Variants in SDK1 observed in about 807,000 individuals in gnomAD.
The protein encoded by SDK1 is sidekick cell adhesion molecule 1.
SDK1 carries 157 observed loss-of-function variants against 245.5 expected under a neutral mutation model. The observed-to-expected ratio is 0.64, with a 90% CI of 0.56 to 0.73. The LOEUF (loss-of-function observed/expected upper bound fraction) is 0.73, where lower values mean the gene tolerates loss of function less well. Among genes scored for constraint, SDK1 ranks in the 30% least tolerant of loss-of-function variants. The pLI is 0.00. For missense variants in SDK1, 3,583 were observed against 3,002.3 expected (o/e 1.19, Z -4.52); for synonymous variants, 1,647 against 1,278.5 (o/e 1.29, Z -6.15).
chr7:3,332,838 C>T (rs1359546208), intron 1 of SDK1, among the ~76,000 whole-genome samples: 1 of 152,062 alleles, frequency 6.6e-6, no homozygotes, highest in African/African-American at 2.4e-5. Flanking sequence ...TTATGTGATT[C>T]TCATTATGTT....
intron 17 of SDK1, among the ~76,000 whole-genome samples, chr7:4,036,985 G>C (rs2128160621): frequency 6.6e-6 from 1 of 152,274 alleles, no homozygotes; most frequent in South Asian, 2.1e-4. Context: ...CGTCATTTAA[G>C]AGGCCGTTTT....
At chr7:3,429,422 T>G (rs1779767836) in intron 1 of SDK1, among the ~76,000 whole-genome samples, 1 of 152,158 alleles carries the variant, frequency 6.6e-6, no homozygotes, top group Non-Finnish European at 1.5e-5. Context: ...CAGGCCCTTT[T>G]AAATATATAA....
intron 5 of SDK1, among the ~76,000 whole-genome samples, chr7:3,840,566 A>G (rs1381126265): frequency 6.6e-6 from 1 of 152,164 alleles, no homozygotes; most frequent in African/African-American, 2.4e-5. Context: ...GCCCTCCTGA[A>G]TCAAATCCTG....
At chr7:3,398,117 T>C (rs933945595) in intron 1 of SDK1, among the ~76,000 whole-genome samples, 6 of 152,114 alleles carry the variant, frequency 3.9e-5, no homozygotes, top group African/African-American at 1.4e-4. Flanking sequence ...TTTCTGTAAC[T>C]GTAGGTTTTC....
At chr7:3,532,520 C>G (rs373697633) in intron 1 of SDK1, among the ~76,000 whole-genome samples, 15 of 152,288 alleles carry the variant, frequency 9.8e-5, no homozygotes, top group South Asian at 6.2e-4. Flanking sequence ...ATGGGAATCA[C>G]TCAAGCTCAC....
At chr7:3,391,306 C>G (rs1224359528) in intron 1 of SDK1, among the ~76,000 whole-genome samples, 4 of 152,160 alleles carry the variant, frequency 2.6e-5, no homozygotes, top group African/African-American at 9.7e-5. Flanking sequence ...TCTTTACCTC[C>G]ATCCTATCAA....
chr7:3,332,869 A>C (rs954695692), intron 1 of SDK1, among the ~76,000 whole-genome samples: 1 of 152,196 alleles, frequency 6.6e-6, no homozygotes, highest in African/African-American at 2.4e-5. Context: ...ATCAGTGCCT[A>C]AATAATGCTA....
At chr7:4,234,569 T>C (rs540793810) in intron 41 of SDK1, among the ~76,000 whole-genome samples, 355 of 151,972 alleles carry the variant, frequency 2.3e-3, no homozygotes, top group African/African-American at 8.1e-3. Flanking sequence ...GTGGGGGAGC[T>C]GGAGAGGGAG....
chr7:4,157,479 A>AAGGAAAGC (rs1554368292), intron 30 of SDK1, among the ~76,000 whole-genome samples: 2 of 102,474 alleles, frequency 2.0e-5, no homozygotes, highest in African/African-American at 8.0e-5. Context: ...GGAAGGAGGG[A>AAGGAAAGC]AGGAAGGGAG....
intron 4 of SDK1, among the ~76,000 whole-genome samples, chr7:3,788,853 T>G (rs1780992300): frequency 1.3e-5 from 2 of 152,182 alleles, no homozygotes; most frequent in South Asian, 4.1e-4. Flanking sequence ...GGAGACAGAA[T>G]TCAGGGCTGA....
intron 17 of SDK1, among the ~76,000 whole-genome samples, chr7:4,043,100 A>G (rs1218842327): frequency 1.1e-5 from 1 of 92,238 alleles, no homozygotes; most frequent in East Asian, 2.2e-4. Flanking sequence ...GCCCAGGTAG[A>G]GTGAGTGTCA....
At chr7:4,138,148 A>G (rs1379176967) in intron 28 of SDK1, among the ~76,000 whole-genome samples, 1 of 152,154 alleles carries the variant, frequency 6.6e-6, no homozygotes, top group Non-Finnish European at 1.5e-5. Context: ...GAGAAGAAGA[A>G]CCCAGATTTC....
intron 5 of SDK1, among the ~76,000 whole-genome samples, chr7:3,845,147 A>G (rs967384348): frequency 2.0e-5 from 3 of 152,146 alleles, no homozygotes; most frequent in African/African-American, 4.8e-5. Context: ...GGGCCACTTC[A>G]GCCTGGAGGG....
intron 1 of SDK1, among the ~76,000 whole-genome samples, chr7:3,611,782 C>G (rs182895034): frequency 6.6e-6 from 1 of 151,968 alleles, no homozygotes; most frequent in Non-Finnish European, 1.5e-5. Context: ...TGCTATGCCT[C>G]CTTACTCCGG....
chr7:4,063,777 A>G (rs1056345374), intron 19 of SDK1, among the ~76,000 whole-genome samples: 4 of 152,144 alleles, frequency 2.6e-5, no homozygotes, highest in Non-Finnish European at 4.4e-5. Context: ...CAACAGACAC[A>G]TAGACCAATG....
intron 1 of SDK1, among the ~76,000 whole-genome samples, chr7:3,484,338 C>T (rs1005712588): frequency 1.3e-5 from 2 of 152,042 alleles, no homozygotes; most frequent in Non-Finnish European, 2.9e-5. Context: ...TCACTGGATG[C>T]GAAACCTACA....
chr7:3,975,339 G>C lies in SDK1; in HGVS notation c.1994+794G>C, dbSNP rs562234956. On this transcript the variant is annotated intron_variant, in intron 13 of 44. Transcript: ENST00000404826. ...TCATCAAGGCAGTGGCCAGCTCCAG[G>C]GACACACCCAGCGCATCCGTCCCTG... is the stretch of plus-strand genomic sequence containing the variant. Among the ~76,000 whole-genome samples the C allele has an allele frequency of 8.5e-5, 13 of 152,238 alleles. No individual in the cohort carries two copies. In the South Asian group the frequency reaches 1.0e-3, roughly 12 times the overall value.
intron 40 of SDK1, among the ~76,000 whole-genome samples, chr7:4,222,752 A>G (rs1271878159): frequency 2.0e-5 from 3 of 152,190 alleles, no homozygotes; most frequent in African/African-American, 7.2e-5. Context: ...CCTGTTGTGG[A>G]AACAGAGGGT....
At chr7:3,638,551 G>C (rs529396568) in intron 2 of SDK1, among the ~76,000 whole-genome samples, 10 of 146,770 alleles carry the variant, frequency 6.8e-5, no homozygotes, top group Non-Finnish European at 8.9e-5. Flanking sequence ...ACCAAACACC[G>C]CATGTTCTCA....
Sources: allele counts gnomAD v4.1 joint callset (sites outside exome capture counted in the v4.1 genomes callset), GRCh38; gene constraint gnomAD v4.1.1; transcripts MANE v1.5; gene names NCBI Gene and HGNC (gene_info 2026-07-23, HGNC 2026-07-21).